Variants in ATRN observed in about 807,000 individuals in gnomAD.
ATRN encodes attractin.
ATRN carries 54 observed loss-of-function variants against 178.7 expected under a neutral mutation model. That is an observed-to-expected ratio of 0.30 (90% CI 0.24 to 0.38). The LOEUF (loss-of-function observed/expected upper bound fraction) is 0.38. Among genes scored for constraint, ATRN ranks in the 10% least tolerant of loss-of-function variants. The pLI is 1.00. For synonymous variants in ATRN, 636 were observed against 663.0 expected, an observed-to-expected ratio of 0.96 and a Z score of 0.63; for missense variants, 1,443 against 1,815.1, an observed-to-expected ratio of 0.79 and a Z score of 3.73.
chr20:3,540,741 G>A (rs985769180), intron 3 of ATRN, among the ~76,000 whole-genome samples: 2 of 152,140 alleles, frequency 1.3e-5, no homozygotes, highest in African/African-American at 4.8e-5. Flanking sequence ...TAGGCCTTCA[G>A]GAGTTATTTG....
At chr20:3,587,354 A>G (rs1220033272) in intron 18 of ATRN, among the ~76,000 whole-genome samples, 4 of 152,144 alleles carry the variant, frequency 2.6e-5, no homozygotes, top group Non-Finnish European at 4.4e-5. Context: ...GAAAAGTTTC[A>G]TAGATTTGTG....
At chr20:3,591,435 G>T in intron 19 of ATRN, 129 bp downstream of exon 19, 1 of 1,161,222 alleles carries the variant, frequency 8.6e-7, no homozygotes, top group Non-Finnish European at 1.2e-6. Context: ...AAATCATACT[G>T]GTCAGAAGCT....
chr20:3,511,221 A>G (rs1185416548), intron 1 of ATRN, among the ~76,000 whole-genome samples: 1 of 152,202 alleles, frequency 6.6e-6, no homozygotes, highest in African/African-American at 2.4e-5. Context: ...TCCTAAAGGG[A>G]AGAAAACAAT....
intron 18 of ATRN, among the ~76,000 whole-genome samples, chr20:3,587,827 CTGTTTGTTTGTT>C (rs200507855): frequency 0.019 from 2,825 of 151,026 alleles, 80 homozygotes; most frequent in African/African-American, 0.058. Flanking sequence ...GGTGTATTGC[CTGTTTGTTTGTT>C]TGTTTGTTTG....
intron 1 of ATRN, among the ~76,000 whole-genome samples, chr20:3,476,968 T>C (rs2084540574): frequency 6.6e-6 from 1 of 152,280 alleles, no homozygotes; most frequent in South Asian, 2.1e-4. Context: ...CCTAAATTTA[T>C]GTTCACAAGT....
intron 1 of ATRN, among the ~76,000 whole-genome samples, chr20:3,528,679 C>T (rs1457224625): frequency 6.6e-6 from 1 of 151,764 alleles, no homozygotes; most frequent in Non-Finnish European, 1.5e-5. Context: ...GTACATCAAA[C>T]CCCTGTGAAA....
chr20:3,590,159 C>T (rs2086419813), intron 18 of ATRN, among the ~76,000 whole-genome samples: 1 of 152,142 alleles, frequency 6.6e-6, no homozygotes, highest in Admixed American at 6.5e-5. Context: ...CTGTGTTGGC[C>T]AGGCTGATCT....
rs1021674026 is a variant in ATRN, at chr20:3,638,209, G to A, written c.3943-619G>A. 2.6e-5 allele frequency among the ~76,000 whole-genome samples: 4 copies of A among 152,040 alleles called. No homozygotes were observed. Among genetic ancestry groups the A allele is most frequent in the African/African-American group, 4.8e-5 (2 of 41,376 alleles). Reference sequence around the variant, plus strand: ...TATACATGTGCCGTGGTGGTTTGCCGCACCTATCAGCCTGTTATCTAGGTT... The same window carrying A: ...TATACATGTGCCGTGGTGGTTTGCCACACCTATCAGCCTGTTATCTAGGTT... On this transcript the variant is annotated intron_variant, in intron 26 of 28. Coordinates refer to ENST00000262919, the MANE Select transcript of ATRN (RefSeq NM_139321.3). The surrounding 1 kb of genome is among the most constrained non-coding windows in gnomAD (Gnocchi z 4.5).
chr20:3,563,132 T>C (rs891107645), intron 9 of ATRN, 77 bp from the exon 10 acceptor site: 5 of 1,314,740 alleles, frequency 3.8e-6, no homozygotes, highest in Non-Finnish European at 5.3e-6. Context: ...ATAAAGTGGT[T>C]GTGCTTGCAT....
chr20:3,563,438 A>C, intron 10 of ATRN, 75 bp downstream of exon 10: 2 of 1,440,538 alleles, frequency 1.4e-6, no homozygotes, highest in Middle Eastern at 1.8e-4. Context: ...AAGGAGACTG[A>C]AAATATTGCC....
Position 3,562,446 on chromosome 20 carries a change from G to T in ATRN, c.1618G>T (p.Asp540Tyr). ...LADDLYRYDV[D>Y]TQMWTILKDS... is the part of the protein sequence containing the mutation. The stretch of plus-strand genomic sequence containing the variant: ...AGATGATCTCTACCGATATGATGTG[G>T]ATACCCAGATGTGGTGGGTACTTTT... The change falls in exon 9 of 29, where the codon GAT (aspartate) becomes TAT (tyrosine). Residue 540 changes from aspartate to tyrosine, a missense_variant. Asp to Tyr is a radical substitution (Grantham distance 160). Transcript: ENST00000262919. The T allele has an allele frequency of 6.2e-7, 1 of 1,614,028 alleles. No individual in the cohort carries two copies. The highest frequency in any genetic ancestry group is 8.5e-7 in the Non-Finnish European group (1 of 1,179,948).
intron 8 of ATRN, among the ~76,000 whole-genome samples, 198 bp downstream of exon 8, chr20:3,561,103 C>T (rs990817471): frequency 6.6e-6 from 1 of 152,006 alleles, no homozygotes; most frequent in African/African-American, 2.4e-5. Context: ...GGCGGATCAC[C>T]TAAGGTCAGG....
At chr20:3,493,221 A>G (rs564197879) in intron 1 of ATRN, among the ~76,000 whole-genome samples, 48 of 151,086 alleles carry the variant, frequency 3.2e-4, no homozygotes, top group African/African-American at 1.1e-3. Context: ...GGCATGATCT[A>G]TAGCTCACTG....
chr20:3,521,527 G>T (rs2085296210), intron 1 of ATRN, among the ~76,000 whole-genome samples: 1 of 152,208 alleles, frequency 6.6e-6, no homozygotes, highest in Non-Finnish European at 1.5e-5. Context: ...AATGGGAAAT[G>T]TGCAAATCCA....
intron 1 of ATRN, among the ~76,000 whole-genome samples, chr20:3,495,381 T>C (rs768274928): frequency 6.6e-6 from 1 of 152,216 alleles, no homozygotes; most frequent in Non-Finnish European, 1.5e-5. Flanking sequence ...AAGAGGGGTT[T>C]GTGTTAGGGC....
intron 27 of ATRN, among the ~76,000 whole-genome samples, chr20:3,641,771 A>T (rs2087071104): frequency 6.6e-6 from 1 of 152,074 alleles, no homozygotes; most frequent in Non-Finnish European, 1.5e-5. Flanking sequence ...TGAAATAAAG[A>T]TATCTTCAAA....
intron 1 of ATRN, among the ~76,000 whole-genome samples, chr20:3,494,485 T>A (rs2084850860): frequency 6.6e-6 from 1 of 152,094 alleles, no homozygotes. Context: ...GTTAAGAGAC[T>A]GTTGCAGTAG....
intron 1 of ATRN, among the ~76,000 whole-genome samples, chr20:3,525,945 TACTG>T (rs1171307447): frequency 6.6e-6 from 1 of 152,174 alleles, no homozygotes; most frequent in Non-Finnish European, 1.5e-5. Flanking sequence ...GCCAATATCA[TACTG>T]AATGGGAAAA....
At chr20:3,479,435 T>C (rs1599998516) in intron 1 of ATRN, among the ~76,000 whole-genome samples, 1 of 152,050 alleles carries the variant, frequency 6.6e-6, no homozygotes, top group Non-Finnish European at 1.5e-5. Context: ...ACTTAACTCT[T>C]TTGGGGGTTC....
Sources: allele counts gnomAD v4.1 joint callset (sites outside exome capture counted in the v4.1 genomes callset), GRCh38; gene constraint gnomAD v4.1.1; non-coding constraint Gnocchi (gnomAD v3.1); transcripts MANE v1.5; gene names NCBI Gene and HGNC (gene_info 2026-07-23, HGNC 2026-07-21).